The following MARK4 variants were observed in gnomAD, a reference collection of about 807,000 sequenced individuals.
MARK4 encodes the protein microtubule affinity regulating kinase 4, also known as MAP/microtubule affinity-regulating kinase 4.
MARK4 carries 19 observed loss-of-function variants against 81.5 expected under a neutral mutation model. That is an observed-to-expected ratio of 0.23 (90% CI 0.16 to 0.34). The LOEUF (loss-of-function observed/expected upper bound fraction) is 0.34, where lower values mean the gene tolerates loss of function less well. Among genes scored for constraint, MARK4 ranks in the 10% least tolerant of loss-of-function variants. The pLI is 1.00. For synonymous variants in MARK4, 436 were observed against 439.0 expected, an observed-to-expected ratio of 0.99 and a Z score of 0.08; for missense variants, 772 against 1,058.8, an observed-to-expected ratio of 0.73 and a Z score of 3.76.
At position 45,259,204 on chromosome 19, in the gene MARK4, A is replaced by C. The variant is rs371125273; in HGVS notation, c.252+15A>C. The C allele has an allele frequency of 2.5e-6, 4 of 1,613,024 alleles. No homozygotes were observed. On this transcript the variant is annotated intron_variant, in intron 2 of 16. Transcript: ENST00000262891. ...CTGGTCGGGAGGTGAGTATGGGCAC[A>C]GGGTGGGGCTCGGGGCAGGTCCCTG...
In MARK4 at chr19:45,279,985, A is replaced by G. The variant is rs577655091; in HGVS notation, c.1007-389A>G. On this transcript the variant is annotated intron_variant, in intron 10 of 16. Transcript: ENST00000262891. Reference sequence around the variant, plus strand: ...AAGAATGTTCTTTCAAAGGAAATCAATGTGCTGTTGGGAAGGGAGGATGGG... The same window carrying G: ...AAGAATGTTCTTTCAAAGGAAATCAGTGTGCTGTTGGGAAGGGAGGATGGG... Among the ~76,000 whole-genome samples, 4 of 152,294 alleles carry G rather than the reference A, an allele frequency of 2.6e-5. No individual in the cohort carries two copies. In the East Asian group the frequency reaches 5.8e-4, roughly 22 times the overall value.
intron 1 of MARK4, among the ~76,000 whole-genome samples, chr19:45,251,970 A>G (rs1227723105): frequency 6.7e-6 from 1 of 149,198 alleles, no homozygotes; most frequent in Non-Finnish European, 1.5e-5. Flanking sequence ...TTTCCCCTCC[A>G]GGCCGTCCGC....
rs1970241980 is a variant in MARK4 at position 45,251,579 on chromosome 19, C to T, written c.-10C>T. On this transcript the variant is annotated 5_prime_UTR_variant, in exon 1 of 17. Coordinates refer to ENST00000262891, the MANE Select transcript of MARK4 (RefSeq NM_001199867.2). ...ACCCGGCCGCCCCTGCCCCCCGGGACCCGGAGAAGATGTCTTCGCGGACGG... is the reference window on the plus strand; with the variant it reads ...ACCCGGCCGCCCCTGCCCCCCGGGATCCGGAGAAGATGTCTTCGCGGACGG... The T allele has an allele frequency of 4.6e-6, 6 of 1,307,142 alleles. No homozygotes were observed. The highest frequency in any genetic ancestry group is 3.9e-6 in the Non-Finnish European group (4 of 1,017,482). 81.0% of individuals were successfully genotyped at this position (1,307,142 alleles called of 1,614,324 possible).
rs1970945750 is a variant in MARK4, at chr19:45,299,921, AC to A, written c.1922+70del. On this transcript the variant is annotated intron_variant, in intron 16 of 16. Transcript: ENST00000262891. ...CCTGCCTCAGCACCTCCCGACACTT[AC>A]CCCAGGGCATTAGATGGGGCCCCAG... The A allele has an allele frequency of 2.7e-6, 4 of 1,488,518 alleles. No homozygotes were observed. In the East Asian group the frequency reaches 9.9e-5, roughly 37 times the overall value. 92.2% of individuals were successfully genotyped at this position (1,488,518 alleles called of 1,614,324 possible). A position where few individuals can be genotyped will look rare whatever the true frequency, so the allele number is the denominator to read the frequency against.
chr19:45,262,406 C>T (rs1270154383), intron 2 of MARK4, among the ~76,000 whole-genome samples: 4 of 152,134 alleles, frequency 2.6e-5, no homozygotes, highest in African/African-American at 9.7e-5. Context: ...GCACTTATCT[C>T]ACAGGTTGTT....
At position 45,304,186 on chromosome 19, in the gene MARK4, C is replaced by T. The variant is rs1426464076; in HGVS notation, c.*1476C>T. The T allele has an allele frequency of 6.6e-6, 1 of 152,200 alleles. No homozygotes were observed. Among genetic ancestry groups the T allele is most frequent in the Non-Finnish European group, 1.5e-5 (1 of 68,050 alleles). The allele number at this position is 152,200 out of a possible 1,614,324, so 9.4% of individuals were successfully genotyped here. A position where few individuals can be genotyped will look rare whatever the true frequency, so the allele number is the denominator to read the frequency against. On this transcript the variant is annotated 3_prime_UTR_variant, in exon 17 of 17. Coordinates refer to ENST00000262891, the MANE Select transcript of MARK4 (RefSeq NM_001199867.2). ...AGTAATTTTTATCAAGTAAGGGCTC[C>T]TTTCCTGGTGGCACAGATGACTTCA... is the stretch of plus-strand genomic sequence containing the variant.
rs200354843 is a variant in MARK4 at position 45,264,757 on chromosome 19, G to A, written c.421+8G>A. ...TGGAGTACGCAAGTGCTGGTGAGCC[G>A]CCCACCCTCTCCGCCCTGCCCCTGT... On this transcript the variant is annotated splice_region_variant and intron_variant, in intron 5 of 16. Transcript: ENST00000262891. 6.5e-5 allele frequency: 105 copies of A among 1,613,928 alleles called. No individual in the cohort carries two copies. The East Asian group carries it at 1.0e-3, about 16-fold the overall frequency.
At chr19:45,282,337 AT>A (rs1462698914) in intron 12 of MARK4, among the ~76,000 whole-genome samples, 1 of 151,456 alleles carries the variant, frequency 6.6e-6, no homozygotes, top group South Asian at 2.1e-4. Flanking sequence ...CCTCTCTTCT[AT>A]TTTTTTTAAC....
intron 12 of MARK4, among the ~76,000 whole-genome samples, chr19:45,286,120 A>G (rs887792284): frequency 6.6e-6 from 1 of 151,946 alleles, no homozygotes; most frequent in Non-Finnish European, 1.5e-5. Flanking sequence ...CAATGGTGTG[A>G]TCTCTGCTCA....
chr19:45,287,734 ATC>A (rs1970764754), intron 13 of MARK4, 70 bp downstream of exon 13: 1 of 1,514,004 alleles, frequency 6.6e-7, no homozygotes, highest in African/African-American at 1.4e-5. Context: ...CCCTGCCTTC[ATC>A]TCATTCCCCA....
chr19:45,282,052 T>C (rs927254821), intron 12 of MARK4, among the ~76,000 whole-genome samples: 3 of 151,832 alleles, frequency 2.0e-5, no homozygotes, highest in African/African-American at 4.8e-5. Flanking sequence ...GGTGAAACCC[T>C]GTCTCTACTA....
chr19:45,290,381 T>C (rs1970805708), intron 13 of MARK4, among the ~76,000 whole-genome samples: 1 of 152,232 alleles, frequency 6.6e-6, no homozygotes, highest in Non-Finnish European at 1.5e-5. Flanking sequence ...CTTTGACTGA[T>C]TGTGACTGGC....
At chr19:45,277,822 G>GTT (rs796461045) in intron 8 of MARK4, 101 bp from the exon 9 acceptor site, 5 of 1,140,812 alleles carry the variant, frequency 4.4e-6, no homozygotes, top group East Asian at 5.5e-5. Context: ...TGGGACAAAG[G>GTT]TTGTGTGTGT....
chr19:45,277,934 G>A lies in MARK4; in HGVS notation c.798G>A (p.Glu266=). The A allele has an allele frequency of 6.2e-7, 1 of 1,613,258 alleles. No individual in the cohort carries two copies. The highest frequency in any genetic ancestry group is 2.2e-5 in the East Asian group (1 of 44,830). ...CCCCATCCCTGCAGGAGCTGCGGGA[G>A]CGAGTACTCAGAGGGAAGTACCGGG... is the stretch of plus-strand genomic sequence containing the variant. ...FDGHNLKELR[E]RVLRGKYRVP... is the part of the protein sequence containing the mutation. Residue 266 remains glutamate (E), a synonymous_variant, in exon 9 of 17, where the codon GAG becomes GAA. Coordinates refer to ENST00000262891, the MANE Select transcript of MARK4 (RefSeq NM_001199867.2).
chr19:45,284,150 A>G lies in MARK4; in HGVS notation c.1277-3297A>G, dbSNP rs147432972. ...CTCCTGCCTCAGGCCCCCGAGCTGG[A>G]ATTACAAGCCACCTTGCCCAGCTAA... On this transcript the variant is annotated intron_variant, in intron 12 of 16. Transcript: ENST00000262891. Among the ~76,000 whole-genome samples, 1,022 of 151,156 alleles carry G rather than the reference A, an allele frequency of 6.8e-3. 9 individuals are homozygous for G. Among genetic ancestry groups the G allele is most frequent in the African/African-American group, 0.022 (915 of 41,174 alleles).
Position 45,259,251 on chromosome 19 carries a change from T to C in MARK4, c.252+62T>C, listed in dbSNP as rs1970350068. The C allele has an allele frequency of 2.5e-6, 4 of 1,572,878 alleles. No homozygotes were observed. The East Asian group carries it at 6.9e-5, about 27-fold the overall frequency. Reference sequence around the variant, plus strand: ...CCTGTGGGACCAGGTCTTCGGTGTATGTTGATAGAGGTCAGGATTGGCCCT... The same window carrying C: ...CCTGTGGGACCAGGTCTTCGGTGTACGTTGATAGAGGTCAGGATTGGCCCT... On this transcript the variant is annotated intron_variant, in intron 2 of 16. Coordinates refer to ENST00000262891, the MANE Select transcript of MARK4 (RefSeq NM_001199867.2).
intron 7 of MARK4, 62 bp downstream of exon 7, chr19:45,266,343 C>G (rs926777729): frequency 9.9e-6 from 15 of 1,515,520 alleles, no homozygotes; most frequent in African/African-American, 1.4e-5. Flanking sequence ...TTCTCCCTGC[C>G]CCCACCCCTC....
Position 45,302,208 on chromosome 19 carries a change from TG to T in MARK4, c.1923-163del, listed in dbSNP as rs1275826772. The stretch of plus-strand genomic sequence containing the variant: ...GAGGCTGGAAAGTGTGGTCTCTAGC[TG>T]GGCAGCTCTGTATCCAGTTGAAACT... On this transcript the variant is annotated intron_variant, in intron 16 of 16. Coordinates refer to ENST00000262891, the MANE Select transcript of MARK4 (RefSeq NM_001199867.2). The surrounding 1 kb of genome is among the most constrained non-coding windows in gnomAD (Gnocchi z 4.9). Among the ~76,000 whole-genome samples, 4 of 152,234 alleles carry T rather than the reference TG, an allele frequency of 2.6e-5. No individual in the cohort carries two copies. Among genetic ancestry groups the T allele is most frequent in the South Asian group, 2.1e-4 (1 of 4,834 alleles).
In MARK4 at chr19:45,297,664, C is replaced by G; in HGVS notation, c.1599-12C>G. On this transcript the variant is annotated splice_polypyrimidine_tract_variant and intron_variant, in intron 14 of 16. Coordinates refer to ENST00000262891, the MANE Select transcript of MARK4 (RefSeq NM_001199867.2). ...CAGTCCCCCACCCTGACTTGTCTGT[C>G]TCTGCCCACAGCTCAGGCACCCCAC... is the stretch of plus-strand genomic sequence containing the variant. 1.3e-6 allele frequency: 2 copies of G among 1,510,292 alleles called. No individual in the cohort carries two copies. The highest frequency in any genetic ancestry group is 8.8e-7 in the Non-Finnish European group (1 of 1,134,272). 93.6% of individuals were successfully genotyped at this position (1,510,292 alleles called of 1,614,324 possible). A position where few individuals can be genotyped will look rare whatever the true frequency, so the allele number is the denominator to read the frequency against.
Sources: allele counts gnomAD v4.1 joint callset (sites outside exome capture counted in the v4.1 genomes callset), GRCh38; gene constraint gnomAD v4.1.1; non-coding constraint Gnocchi (gnomAD v3.1); transcripts MANE v1.5; gene names NCBI Gene and HGNC (gene_info 2026-07-23, HGNC 2026-07-21).